Variants in KIF13A observed in about 807,000 individuals in gnomAD.
KIF13A encodes kinesin-like protein KIF13A.
KIF13A carries 79 observed loss-of-function variants against 212.2 expected under a neutral mutation model. The observed-to-expected ratio is 0.37, with a 90% CI of 0.31 to 0.45. The LOEUF is 0.45. KIF13A is among the 20% of genes least tolerant of loss of function. The probability of loss-of-function intolerance (pLI) is 1.00; values close to 1 mark genes in which losing one functional copy is unlikely to be tolerated. For missense variants in KIF13A, 1,901 were observed against 2,209.0 expected, an observed-to-expected ratio of 0.86 and a Z score of 2.79; for synonymous variants, 789 against 808.6, an observed-to-expected ratio of 0.98 and a Z score of 0.41.
intron 12 of KIF13A, 39 bp from the exon 13 acceptor site, chr6:17,831,274 G>A (rs1562029550): frequency 1.9e-6 from 3 of 1,594,844 alleles, no homozygotes; most frequent in Non-Finnish European, 2.6e-6. Flanking sequence ...AACTCTGTTT[G>A]TTGTTCTATT....
intron 25 of KIF13A, among the ~76,000 whole-genome samples, chr6:17,792,740 G>C (rs1024310432): frequency 6.6e-6 from 1 of 152,198 alleles, no homozygotes; most frequent in African/African-American, 2.4e-5. Flanking sequence ...TTTTGGGCTT[G>C]AAGAAGGCAG....
chr6:17,810,661 G>A (rs956433774), intron 17 of KIF13A, among the ~76,000 whole-genome samples: 12 of 152,182 alleles, frequency 7.9e-5, no homozygotes, highest in Non-Finnish European at 1.8e-4. Flanking sequence ...ATCAGTGGGA[G>A]CCCTGAGCTT....
At chr6:17,931,667 T>G (rs1437130067) in intron 2 of KIF13A, among the ~76,000 whole-genome samples, 1 of 152,186 alleles carries the variant, frequency 6.6e-6, no homozygotes, top group African/African-American at 2.4e-5. Context: ...ACTTCAGGCA[T>G]GCACCACCTC....
At chr6:17,942,990 AC>A (rs1163533846) in intron 2 of KIF13A, among the ~76,000 whole-genome samples, 1 of 152,132 alleles carries the variant, frequency 6.6e-6, no homozygotes, top group Non-Finnish European at 1.5e-5. Context: ...AAAAACAAAA[AC>A]AAAAACAAAA....
chr6:17,847,470 C>T (rs1305637179), intron 9 of KIF13A, among the ~76,000 whole-genome samples: 1 of 152,096 alleles, frequency 6.6e-6, no homozygotes, highest in African/African-American at 2.4e-5. Context: ...GATAGAGGGG[C>T]CACTATTTTA....
intron 23 of KIF13A, 117 bp downstream of exon 23, chr6:17,796,543 CTTTTTTTTT>C: frequency 2.1e-6 from 1 of 473,518 alleles, no homozygotes; most frequent in Non-Finnish European, 3.2e-6. Flanking sequence ...CCTGGCCATT[CTTTTTTTTT>C]TTTTTTTAAA....
chr6:17,976,226 G>C (rs922169857), intron 2 of KIF13A, among the ~76,000 whole-genome samples: 10 of 152,218 alleles, frequency 6.6e-5, no homozygotes, highest in Non-Finnish European at 1.0e-4. Context: ...ACTGGGCGCG[G>C]TGGAGAAGGG....
intron 4 of KIF13A, among the ~76,000 whole-genome samples, chr6:17,867,982 C>T (rs951013049): frequency 2.0e-5 from 3 of 152,326 alleles, no homozygotes; most frequent in Admixed American, 1.3e-4. Flanking sequence ...TGGAGGTGCT[C>T]TTCTGTCCCC....
intron 23 of KIF13A, among the ~76,000 whole-genome samples, chr6:17,795,861 A>T (rs1761985491): frequency 6.6e-6 from 1 of 152,222 alleles, no homozygotes; most frequent in Admixed American, 6.5e-5. Context: ...GTGGCCTGAG[A>T]ATATGTGACT....
rs765288895 is a variant in KIF13A at position 17,771,184 on chromosome 6, C to A, written c.4511G>T (p.Cys1504Phe). The change falls in exon 38 of 39, where the codon TGC becomes TTC. Residue 1504 changes from cysteine to phenylalanine, a missense_variant. Physicochemically the swap from Cys to Phe is radical, Grantham distance 205 (BLOSUM62 -2). Around this residue, in one of 5 missense-constraint regions of KIF13A, gnomAD observed 687 missense variants for 759.1 expected, o/e 0.90. Coordinates refer to ENST00000259711, the MANE Select transcript of KIF13A (RefSeq NM_022113.6). This position sits in a 1 kb window ranked among gnomAD's most constrained non-coding sequence, Gnocchi z 5.4. Reference protein sequence around the residue: ...MPPPQAHNPGCIVPSGSNGSS... With the variant: ...MPPPQAHNPGFIVPSGSNGSS... ...GCCATTGCTTCCTGAGGGTACAATG[C>A]AGCCAGGGTTATGTGCCTGAGGTGG... is the stretch of plus-strand genomic sequence containing the variant. The A allele has an allele frequency of 1.2e-6, 2 of 1,613,098 alleles. No individual in the cohort carries two copies.
intron 9 of KIF13A, among the ~76,000 whole-genome samples, chr6:17,841,586 T>C (rs1766512656): frequency 6.6e-6 from 1 of 152,122 alleles, no homozygotes; most frequent in Non-Finnish European, 1.5e-5. Context: ...TATGGAAGTG[T>C]TATATAACTC....
In KIF13A at chr6:17,850,192, A is replaced by C; in HGVS notation, c.717+131T>G. The C allele has an allele frequency of 4.9e-6, 4 of 823,874 alleles. No individual in the cohort carries two copies. The highest frequency in any genetic ancestry group is 7.1e-6 in the Non-Finnish European group (4 of 561,474). The allele number at this position is 823,874 out of a possible 1,614,324, so 51.0% of individuals were successfully genotyped here. ...TAACAAATTAAATGATAAGCAAAGT[A>C]GCTCACCTAGTAAGCAGAAGAGCCA... On this transcript the variant is annotated intron_variant, in intron 8 of 38. Coordinates refer to ENST00000259711, the MANE Select transcript of KIF13A (RefSeq NM_022113.6). This position sits in a 1 kb window ranked among gnomAD's most constrained non-coding sequence, Gnocchi z 6.2.
chr6:17,881,036 C>A (rs966106872), intron 3 of KIF13A, among the ~76,000 whole-genome samples: 1 of 152,120 alleles, frequency 6.6e-6, no homozygotes, highest in South Asian at 2.1e-4. Context: ...AGCTTTTCAA[C>A]GGAAAAAACA....
At chr6:17,949,692 T>TAC (rs1437624390) in intron 2 of KIF13A, among the ~76,000 whole-genome samples, 2 of 152,120 alleles carry the variant, frequency 1.3e-5, no homozygotes, top group Non-Finnish European at 2.9e-5. Context: ...TGTATATGCA[T>TAC]ACACACACTT....
intron 2 of KIF13A, among the ~76,000 whole-genome samples, chr6:17,974,449 G>A (rs1780098164): frequency 6.6e-6 from 1 of 152,204 alleles, no homozygotes; most frequent in Non-Finnish European, 1.5e-5. Context: ...AGCCAACCAT[G>A]TGCGTTAAGT....
intron 18 of KIF13A, 40 bp from the exon 19 acceptor site, chr6:17,805,655 T>A (rs1201420559): frequency 6.5e-7 from 1 of 1,544,728 alleles, no homozygotes; most frequent in Non-Finnish European, 8.8e-7. Flanking sequence ...CTGTTATAAC[T>A]CCTTTTTCGA....
intron 3 of KIF13A, among the ~76,000 whole-genome samples, chr6:17,894,664 A>G (rs762071910): frequency 6.6e-6 from 1 of 152,180 alleles, no homozygotes; most frequent in Admixed American, 6.5e-5. Context: ...TGATGAACCA[A>G]TATTGATACA....
At chr6:17,887,537 C>T (rs999707060) in intron 3 of KIF13A, among the ~76,000 whole-genome samples, 1 of 152,154 alleles carries the variant, frequency 6.6e-6, no homozygotes, top group East Asian at 1.9e-4. Context: ...TCTTCATAGC[C>T]TACCAGATTA....
downstream of KIF13A, chr6:17,760,968 C>T: frequency 1.5e-6 from 2 of 1,318,148 alleles, no homozygotes; most frequent in South Asian, 1.2e-5. Context: ...CCACACCCAT[C>T]ACAAGAAAGG....
Sources: gnomAD v4.1 joint callset for allele counts (sites outside exome capture counted in the v4.1 genomes callset) on GRCh38, gnomAD v4.1.1 for gene constraint, gnomAD v4.1.1 regional missense constraint, Gnocchi (gnomAD v3.1) non-coding constraint, MANE v1.5 for transcripts, NCBI Gene and HGNC (gene_info 2026-07-23, HGNC 2026-07-21) for gene names.